Variants in PCDHA10 observed in about 807,000 individuals in gnomAD.
PCDHA10 encodes the protein protocadherin alpha 10.
A neutral mutation model predicts 61.2 loss-of-function variants in PCDHA10; 45 were observed. That is an observed-to-expected ratio of 0.74 (90% confidence interval 0.58 to 0.94). The LOEUF (loss-of-function observed/expected upper bound fraction) is 0.94. Ranked by LOEUF, PCDHA10 falls within the 40% of genes least tolerant of loss-of-function variation. The pLI is 0.00. For synonymous variants in PCDHA10, 602 were observed against 548.8 expected, an observed-to-expected ratio of 1.10 and a Z score of -1.35; for missense variants, 1,278 against 1,236.2, an observed-to-expected ratio of 1.03 and a Z score of -0.51.
intron 1 of PCDHA10, among the ~76,000 whole-genome samples, chr5:140,910,110 G>A (rs964418352): frequency 6.6e-6 from 1 of 152,194 alleles, no homozygotes; most frequent in South Asian, 2.1e-4. Flanking sequence ...TCATTTAAGG[G>A]ATTCTAGGTC....
intron 1 of PCDHA10, chr5:140,928,814 A>T (rs782622875): frequency 5.6e-6 from 9 of 1,614,150 alleles, no homozygotes; most frequent in Non-Finnish European, 7.6e-6. Context: ...GTTCGGGACC[A>T]TGGAGACCCA....
intron 1 of PCDHA10, chr5:140,884,501 G>A: frequency 1.9e-6 from 3 of 1,614,146 alleles, no homozygotes; most frequent in Middle Eastern, 1.6e-4. Context: ...CTCCAGCGCG[G>A]CAGGGAGTTG....
chr5:140,882,873 G>T, intron 1 of PCDHA10: 6 of 1,614,222 alleles, frequency 3.7e-6, no homozygotes, highest in Non-Finnish European at 5.1e-6. Flanking sequence ...ACACTGGACA[G>T]AGAGGAAATT....
rs2096607447 is a variant in PCDHA10, at chr5:140,973,909, C to T, written c.2389-5040C>T. 2.0e-5 allele frequency among the ~76,000 whole-genome samples: 3 copies of T among 152,194 alleles called. 1 individual carries two copies. The highest frequency in any genetic ancestry group is 2.0e-4 in the Admixed American group (3 of 15,280). On this transcript the variant is annotated intron_variant, in intron 1 of 3. Coordinates refer to ENST00000307360, the MANE Select transcript of PCDHA10 (RefSeq NM_018901.4). ...ATTTGCAAATGTTTGAGGAAACATT[C>T]CTGTCACCAAACCCAGAGGTTTAGC...
At chr5:140,864,745 T>G (rs528957668) in intron 1 of PCDHA10, 1 of 152,328 alleles carries the variant, frequency 6.6e-6, no homozygotes, top group Non-Finnish European at 1.5e-5. Flanking sequence ...GAGCACCGAT[T>G]ATACTCATTT....
intron 3 of PCDHA10, among the ~76,000 whole-genome samples, chr5:141,004,580 A>G (rs782539696): frequency 5.3e-5 from 8 of 152,222 alleles, no homozygotes; most frequent in Non-Finnish European, 1.2e-4. Context: ...TGTGTTCTGC[A>G]TCTCCAGATG....
At chr5:140,933,721 C>T (rs957167505) in intron 1 of PCDHA10, among the ~76,000 whole-genome samples, 1 of 151,982 alleles carries the variant, frequency 6.6e-6, no homozygotes, top group African/African-American at 2.4e-5. Flanking sequence ...ATTGGTGATA[C>T]AGCTTTCTTA....
At chr5:140,868,256 T>TGG (rs2050360583) in intron 1 of PCDHA10, 1 of 152,126 alleles carries the variant, frequency 6.6e-6, no homozygotes, top group Non-Finnish European at 1.5e-5. Context: ...TTTTCCTTTG[T>TGG]GGATTCTTTT....
chr5:140,892,012 G>A (rs1032416226), intron 1 of PCDHA10, among the ~76,000 whole-genome samples: 9 of 152,176 alleles, frequency 5.9e-5, no homozygotes, highest in Admixed American at 5.9e-4. Context: ...TGTTATAGCA[G>A]CACAAATGGT....
intron 1 of PCDHA10, among the ~76,000 whole-genome samples, chr5:140,974,580 T>C (rs2153804250): frequency 6.6e-6 from 1 of 152,286 alleles, no homozygotes; most frequent in South Asian, 2.1e-4. Context: ...GGCATGATCT[T>C]GGCTCACTGC....
intron 1 of PCDHA10, among the ~76,000 whole-genome samples, chr5:140,905,695 C>T (rs1350689939): frequency 6.6e-6 from 1 of 152,134 alleles, no homozygotes; most frequent in African/African-American, 2.4e-5. Context: ...TTGTTTGTGT[C>T]ATTTATGATT....
At chr5:140,919,176 C>A (rs2079027921) in intron 1 of PCDHA10, among the ~76,000 whole-genome samples, 2 of 152,184 alleles carry the variant, frequency 1.3e-5, no homozygotes, top group Non-Finnish European at 1.5e-5. Flanking sequence ...GTTGCTATAT[C>A]TTCCTGATTG....
intron 1 of PCDHA10, among the ~76,000 whole-genome samples, chr5:140,945,772 T>A (rs538344111): frequency 1.2e-4 from 18 of 152,228 alleles, no homozygotes; most frequent in African/African-American, 4.1e-4. Context: ...GACAATTTGA[T>A]ATCCAGATGC....
At chr5:140,895,709 A>G (rs763607157) in intron 1 of PCDHA10, among the ~76,000 whole-genome samples, 2 of 152,208 alleles carry the variant, frequency 1.3e-5, no homozygotes, top group African/African-American at 2.4e-5. Flanking sequence ...CACTTGGGAT[A>G]ATGGCCTGCA....
At chr5:140,869,551 TCG>T in intron 1 of PCDHA10, 1 of 1,614,218 alleles carries the variant, frequency 6.2e-7, no homozygotes, top group Non-Finnish European at 8.5e-7. Context: ...GCAATCGGAC[TCG>T]CGTTTTCCAC....
intron 1 of PCDHA10, among the ~76,000 whole-genome samples, chr5:140,947,840 T>C (rs1554218335): frequency 6.6e-6 from 1 of 151,630 alleles, no homozygotes; most frequent in Non-Finnish European, 1.5e-5. Context: ...TAATATTTGT[T>C]TATTTATTTT....
chr5:140,877,527 C>A (rs1554169810), intron 1 of PCDHA10: 1 of 1,613,642 alleles, frequency 6.2e-7, no homozygotes, highest in East Asian at 2.2e-5. Flanking sequence ...CCTCAGTGGG[C>A]GCTGTGGATC....
chr5:140,941,228 T>TTTCTTTCTTTCTTTCTTTC (rs2092920819), intron 1 of PCDHA10, among the ~76,000 whole-genome samples: 1 of 139,066 alleles, frequency 7.2e-6, no homozygotes, highest in Admixed American at 7.4e-5. Flanking sequence ...TCTTTCTTTC[T>TTTCTTTCTTTCTTTCTTTC]TTCTTTCTTT....
intron 1 of PCDHA10, among the ~76,000 whole-genome samples, chr5:140,909,449 A>G (rs1301796561): frequency 1.3e-5 from 2 of 152,218 alleles, no homozygotes; most frequent in African/African-American, 4.8e-5. Flanking sequence ...GTCATTCTCC[A>G]AGATCCATCT....
Sources: allele counts gnomAD v4.1 joint callset (sites outside exome capture counted in the v4.1 genomes callset), GRCh38; gene constraint gnomAD v4.1.1; transcripts MANE v1.5; gene names NCBI Gene and HGNC (gene_info 2026-07-23, HGNC 2026-07-21).